The following PNLIP variants were observed in gnomAD, a reference collection of about 807,000 sequenced individuals.
PNLIP encodes pancreatic triacylglycerol lipase.
Under a neutral mutation model 57.1 loss-of-function variants are expected in PNLIP, and 49 were observed. The observed-to-expected ratio is 0.86, with a 90% confidence interval of 0.68 to 1.09. The LOEUF is 1.09. Among genes scored for constraint, PNLIP ranks in the 50% least tolerant of loss-of-function variants. PNLIP has a pLI of 0.00. For synonymous variants in PNLIP, 209 were observed against 200.4 expected (o/e 1.04, Z -0.36); for missense variants, 503 against 570.2 (o/e 0.88, Z 1.20).
In PNLIP at chr10:116,547,320, G is replaced by A. The variant is rs371065609; in HGVS notation, c.73G>A (p.Gly25Ser). 1.5e-5 allele frequency: 25 copies of A among 1,613,886 alleles called. No individual in the cohort carries two copies. Among genetic ancestry groups the A allele is most frequent in the East Asian group, 2.2e-5 (1 of 44,864 alleles). Residue 25 changes from glycine (G) to serine (S), a missense_variant, in exon 3 of 13, where the codon GGC becomes AGC. Transcript: ENST00000369221. ...AGKEVCYERLGCFSDDSPWSG... is the reference protein window; with the variant it reads ...AGKEVCYERLSCFSDDSPWSG... ...AAAAGAAGTTTGCTACGAAAGACTC[G>A]GCTGCTTCAGTGATGACTCCCCATG...
intron 8 of PNLIP, 89 bp downstream of exon 8, chr10:116,555,596 AG>A: frequency 7.2e-7 from 1 of 1,391,816 alleles, no homozygotes; most frequent in Non-Finnish European, 9.9e-7. Context: ...GGAATTGTAC[AG>A]GTCTCACATT....
intron 4 of PNLIP, among the ~76,000 whole-genome samples, chr10:116,549,500 A>G (rs1437828309): frequency 6.6e-6 from 1 of 152,066 alleles, no homozygotes; most frequent in Non-Finnish European, 1.5e-5. Context: ...AAAAAAAGAC[A>G]CAAAGGTCCT....
intron 12 of PNLIP, among the ~76,000 whole-genome samples, chr10:116,564,023 C>T (rs1041670836): frequency 6.6e-6 from 1 of 152,036 alleles, no homozygotes; most frequent in African/African-American, 2.4e-5. Flanking sequence ...AGAAATAATA[C>T]CTTGAAAATT....
intron 9 of PNLIP, among the ~76,000 whole-genome samples, chr10:116,558,119 C>A (rs1189994738): frequency 6.6e-6 from 1 of 150,842 alleles, no homozygotes; most frequent in Non-Finnish European, 1.5e-5. Context: ...GACTTTTGAG[C>A]CTATTGTCCT....
chr10:116,549,053 T>G (rs1847160662), intron 4 of PNLIP, among the ~76,000 whole-genome samples: 1 of 152,244 alleles, frequency 6.6e-6, no homozygotes, highest in Non-Finnish European at 1.5e-5. Flanking sequence ...GAATAAATTT[T>G]CCTAGTAACT....
At chr10:116,553,535 T>C (rs192142260) in intron 5 of PNLIP, among the ~76,000 whole-genome samples, 192 bp from the exon 6 acceptor site, 104 of 152,300 alleles carry the variant, frequency 6.8e-4, no homozygotes, top group African/African-American at 2.4e-3. Context: ...ATTTGTAGCC[T>C]AGGAGCAACA....
chr10:116,554,507 A>T (rs1050756047), intron 6 of PNLIP, among the ~76,000 whole-genome samples: 1 of 152,194 alleles, frequency 6.6e-6, no homozygotes, highest in Non-Finnish European at 1.5e-5. Context: ...GTGAGCTCAC[A>T]TATTGGATAC....
intron 12 of PNLIP, among the ~76,000 whole-genome samples, chr10:116,564,244 A>G (rs2133209367): frequency 6.6e-6 from 1 of 152,310 alleles, no homozygotes; most frequent in Non-Finnish European, 1.5e-5. Context: ...AACTTACACA[A>G]ATAAAAAAAT....
At chr10:116,558,341 C>T (rs966309765) in intron 9 of PNLIP, among the ~76,000 whole-genome samples, 2 of 151,224 alleles carry the variant, frequency 1.3e-5, no homozygotes, top group Non-Finnish European at 2.9e-5. Flanking sequence ...ACTACAGGCG[C>T]CCGCCACCAT....
Position 116,561,657 on chromosome 10 carries a change from G to A in PNLIP, c.1334+21G>A, listed in dbSNP as rs200656429. ...AAACAGTAAGTAATGAAAATCCCAG[G>A]AGATGTGAAATATCGAGTCTGTGTT... On this transcript the variant is annotated intron_variant, in intron 12 of 12. Transcript: ENST00000369221. 1.4e-3 allele frequency: 2,277 copies of A among 1,594,384 alleles called. 4 individuals are homozygous for A. The highest frequency in any genetic ancestry group is 1.8e-3 in the Non-Finnish European group (2,148 of 1,166,892).
chr10:116,551,351 A>G (rs1847190189), intron 5 of PNLIP, 119 bp downstream of exon 5: 2 of 647,076 alleles, frequency 3.1e-6, no homozygotes, highest in African/African-American at 1.9e-5. Context: ...CTACTCAGAT[A>G]TGATGTTTCT....
In PNLIP at chr10:116,546,504, T is replaced by TACA. The variant is rs561324057; in HGVS notation, c.46+369_46+371dup. Among the ~76,000 whole-genome samples the TACA allele has an allele frequency of 3.9e-5, 6 of 152,334 alleles. No individual in the cohort carries two copies. In the East Asian group the frequency reaches 1.2e-3, roughly 29 times the overall value. ...TTTGAACCTTGGCTCCACCACCACCTACAACTGTATTACCCTGAGCAAAAT... is the reference window on the plus strand; with the variant it reads ...TTTGAACCTTGGCTCCACCACCACCTACAACAACTGTATTACCCTGAGCAAAAT... On this transcript the variant is annotated intron_variant, in intron 2 of 12. Transcript: ENST00000369221.
chr10:116,553,944 T>TAA (rs1321029698), intron 6 of PNLIP, 106 bp downstream of exon 6: 1,063 of 398,778 alleles, frequency 2.7e-3, no homozygotes, highest in South Asian at 6.3e-3. Context: ...CCTATCTCCT[T>TAA]AAAAAAAAAA....
Position 116,556,245 on chromosome 10 carries a change from A to T in PNLIP, c.930+127A>T, listed in dbSNP as rs1294883216. The T allele has an allele frequency of 6.2e-6, 4 of 641,092 alleles. No homozygotes were observed. In the Admixed American group the frequency reaches 9.9e-5, roughly 16 times the overall value. 39.7% of individuals were successfully genotyped at this position (641,092 alleles called of 1,614,324 possible). A position where few individuals can be genotyped will look rare whatever the true frequency, so the allele number is the denominator to read the frequency against. On this transcript the variant is annotated intron_variant, in intron 9 of 12. Coordinates refer to ENST00000369221, the MANE Select transcript of PNLIP (RefSeq NM_000936.4). ...TTTGAACTTATACATGCCTTTAATT[A>T]TATGTATTTAAATAGTGATAAATTA...
Position 116,556,103 on chromosome 10 carries a change from C to T in PNLIP, c.915C>T (p.Tyr305=), listed in dbSNP as rs899329442. The T allele has an allele frequency of 1.2e-6, 2 of 1,604,032 alleles. No individual in the cohort carries two copies. The highest frequency in any genetic ancestry group is 1.7e-6 in the Non-Finnish European group (2 of 1,170,780). ...DGFAGFPCAS[Y]NVFTANKCFP... ...TTGCTGGATTCCCCTGTGCCTCTTA[C>T]AACGTCTTCACTGCAGTAAGTAGAC... The change falls in exon 9 of 13, where the codon TAC becomes TAT. Residue 305 remains tyrosine (Y), a synonymous_variant. Transcript: ENST00000369221.
chr10:116,566,841 A>G (rs1204438450), intron 12 of PNLIP, among the ~76,000 whole-genome samples: 2 of 152,104 alleles, frequency 1.3e-5, no homozygotes, highest in Admixed American at 6.5e-5. Flanking sequence ...TGAGGAAGTG[A>G]GCGTGAAGGG....
intron 12 of PNLIP, among the ~76,000 whole-genome samples, chr10:116,566,491 A>G (rs1429061522): frequency 6.6e-6 from 1 of 152,068 alleles, no homozygotes; most frequent in Non-Finnish European, 1.5e-5. Flanking sequence ...GATGTTGGTG[A>G]TGGCTTCAGA....
intron 12 of PNLIP, among the ~76,000 whole-genome samples, chr10:116,567,528 A>T (rs45567731): frequency 0.095 from 14,521 of 152,176 alleles, 829 homozygotes; most frequent in African/African-American, 0.15. Flanking sequence ...CTTCTCTCTC[A>T]GCTATTGCAC....
At chr10:116,558,632 T>C (rs187111861) in intron 9 of PNLIP, among the ~76,000 whole-genome samples, 1 of 144,130 alleles carries the variant, frequency 6.9e-6, no homozygotes, top group Non-Finnish European at 1.5e-5. Context: ...GTATGATTTG[T>C]TTTTTTTTTG....
Sources: gnomAD v4.1 joint callset for allele counts (sites outside exome capture counted in the v4.1 genomes callset) on GRCh38, gnomAD v4.1.1 for gene constraint, MANE v1.5 for transcripts, NCBI Gene and HGNC (gene_info 2026-07-23, HGNC 2026-07-21) for gene names.